Variants in TRAF3IP1 observed in about 807,000 individuals in gnomAD.
TRAF3IP1 encodes the protein TRAF3-interacting protein 1.
In TRAF3IP1, 53 loss-of-function variants were observed where a neutral mutation model predicts 89.9. That is an observed-to-expected ratio of 0.59 (90% CI 0.47 to 0.74). The LOEUF (loss-of-function observed/expected upper bound fraction) is 0.74. TRAF3IP1 is among the 30% of genes least tolerant of loss of function. The probability of loss-of-function intolerance (pLI) is 0.00; values close to 1 mark genes in which losing one functional copy is unlikely to be tolerated. For synonymous variants in TRAF3IP1, 311 were observed against 322.1 expected, an observed-to-expected ratio of 0.97 and a Z score of 0.37; for missense variants, 806 against 866.1, an observed-to-expected ratio of 0.93 and a Z score of 0.87.
chr2:238,336,052 A>C (rs1212037173), intron 7 of TRAF3IP1, among the ~76,000 whole-genome samples: 1 of 152,076 alleles, frequency 6.6e-6, no homozygotes, highest in Non-Finnish European at 1.5e-5. Flanking sequence ...TCAGCCTCCC[A>C]AAGTGCTGGG....
intron 15 of TRAF3IP1, among the ~76,000 whole-genome samples, chr2:238,390,736 T>G (rs766371685): frequency 2.6e-5 from 4 of 152,178 alleles, no homozygotes; most frequent in Non-Finnish European, 4.4e-5. Flanking sequence ...TAATGTTACC[T>G]GAAGGATAAA....
intron 15 of TRAF3IP1, among the ~76,000 whole-genome samples, chr2:238,375,511 C>A (rs929216201): frequency 6.6e-6 from 1 of 152,130 alleles, no homozygotes; most frequent in African/African-American, 2.4e-5. Context: ...GTCGTGATTT[C>A]TGTTCTTTTA....
rs1699008201 is a variant in TRAF3IP1, at chr2:238,348,649, A to G, written c.1283-115A>G. 8 of 878,930 alleles carry G rather than the reference A, an allele frequency of 9.1e-6. No homozygotes were observed. In the South Asian group the frequency reaches 1.3e-4, roughly 15 times the overall value. 54.4% of individuals were successfully genotyped at this position (878,930 alleles called of 1,614,324 possible). A position where few individuals can be genotyped will look rare whatever the true frequency, so the allele number is the denominator to read the frequency against. On this transcript the variant is annotated intron_variant, in intron 10 of 16. Coordinates refer to ENST00000373327, the MANE Select transcript of TRAF3IP1 (RefSeq NM_015650.4). ...GAAAAATTGCTCATTTGTATTTGCA[A>G]TTACAAATGTATTTGATTGCAAATA... is the stretch of plus-strand genomic sequence containing the variant.
intron 15 of TRAF3IP1, among the ~76,000 whole-genome samples, chr2:238,384,609 T>A (rs1167571708): frequency 6.7e-6 from 1 of 149,678 alleles, no homozygotes; most frequent in Non-Finnish European, 1.5e-5. Flanking sequence ...GGTCTTGAGC[T>A]CCTGACCTTG....
At chr2:238,368,666 T>C (rs1699983139) in intron 15 of TRAF3IP1, among the ~76,000 whole-genome samples, 1 of 152,112 alleles carries the variant, frequency 6.6e-6, no homozygotes. Context: ...ATTTTAGATA[T>C]TGTTATTAAT....
rs954665044 is a variant in TRAF3IP1, at chr2:238,400,154, G to A, written c.*1235G>A. On this transcript the variant is annotated 3_prime_UTR_variant, in exon 17 of 17. Transcript: ENST00000373327. ...TCTGTCGCCCAGGCTGGAGTGCAGT[G>A]GCGCAATCTCGGCTCACTGCAACCA... is the stretch of plus-strand genomic sequence containing the variant. 1 of 150,332 alleles carries A rather than the reference G, an allele frequency of 6.7e-6. No homozygotes were observed. Among genetic ancestry groups the A allele is most frequent in the African/African-American group, 2.5e-5 (1 of 40,770 alleles). The allele number at this position is 150,332 out of a possible 1,614,324, so 9.3% of individuals were successfully genotyped here. A position where few individuals can be genotyped will look rare whatever the true frequency, so the allele number is the denominator to read the frequency against.
chr2:238,394,790 C>T (rs1166124420), intron 15 of TRAF3IP1, among the ~76,000 whole-genome samples: 1 of 152,218 alleles, frequency 6.6e-6, no homozygotes, highest in Non-Finnish European at 1.5e-5. Flanking sequence ...GATCTTCATA[C>T]ATAAATCATT....
intron 15 of TRAF3IP1, among the ~76,000 whole-genome samples, chr2:238,383,073 T>C (rs772188675): frequency 6.6e-6 from 1 of 152,132 alleles, no homozygotes; most frequent in Non-Finnish European, 1.5e-5. Flanking sequence ...CAGCCTTCCC[T>C]TGGCTTCCGG....
chr2:238,354,193 G>C lies in TRAF3IP1; in HGVS notation c.1612+984G>C, dbSNP rs1410984247. The stretch of plus-strand genomic sequence containing the variant: ...AGCCTATTGGAGTTATTTTCTGGGG[G>C]CCTTTAGACACATCCCAGTACACTC... On this transcript the variant is annotated intron_variant, in intron 14 of 16. Transcript: ENST00000373327. Among the ~76,000 whole-genome samples the C allele has an allele frequency of 2.6e-5, 4 of 152,092 alleles. No homozygotes were observed. The East Asian group carries it at 7.7e-4, about 29-fold the overall frequency.
Position 238,320,600 on chromosome 2 carries a change from C to A in TRAF3IP1, c.-63C>A. The A allele has an allele frequency of 8.8e-7, 1 of 1,132,650 alleles. No homozygotes were observed. The highest frequency in any genetic ancestry group is 1.1e-6 in the Non-Finnish European group (1 of 921,298). 70.2% of individuals were successfully genotyped at this position (1,132,650 alleles called of 1,614,324 possible). A position where few individuals can be genotyped will look rare whatever the true frequency, so the allele number is the denominator to read the frequency against. On this transcript the variant is annotated 5_prime_UTR_variant, in exon 1 of 17. Transcript: ENST00000373327. ...GCGGGGCCGGCGGCGGCCAGGGACCCGGGCTTAGGCTCGGCCAGGCCGGCT... is the reference window on the plus strand; with the variant it reads ...GCGGGGCCGGCGGCGGCCAGGGACCAGGGCTTAGGCTCGGCCAGGCCGGCT...
intron 5 of TRAF3IP1, among the ~76,000 whole-genome samples, chr2:238,330,616 G>A (rs1048109193): frequency 2.6e-5 from 4 of 152,168 alleles, no homozygotes; most frequent in African/African-American, 4.8e-5. Context: ...GTGGCACTGC[G>A]TCTCAGGGTG....
chr2:238,347,627 T>C, intron 10 of TRAF3IP1, 152 bp downstream of exon 10: 1 of 688,298 alleles, frequency 1.5e-6, no homozygotes, highest in East Asian at 3.1e-5. Flanking sequence ...AATGTATTTA[T>C]TTATTTATTT....
intron 15 of TRAF3IP1, among the ~76,000 whole-genome samples, chr2:238,358,059 A>G (rs1235283407): frequency 6.6e-6 from 1 of 152,008 alleles, no homozygotes; most frequent in African/African-American, 2.4e-5. Context: ...TAGGATATTG[A>G]TAAACATCAG....
intron 15 of TRAF3IP1, among the ~76,000 whole-genome samples, chr2:238,366,930 G>A (rs973528158): frequency 2.2e-4 from 34 of 152,058 alleles, no homozygotes; most frequent in African/African-American, 8.2e-4. Flanking sequence ...TTGGGAGGCC[G>A]AGGCGGGCAG....
intron 12 of TRAF3IP1, among the ~76,000 whole-genome samples, 181 bp downstream of exon 12, chr2:238,349,589 G>A (rs532878295): frequency 1.3e-5 from 2 of 152,308 alleles, no homozygotes; most frequent in Non-Finnish European, 2.9e-5. Flanking sequence ...TCAGATGGAT[G>A]AAAGAGAAAA....
intron 15 of TRAF3IP1, among the ~76,000 whole-genome samples, chr2:238,371,241 A>G (rs1451801717): frequency 6.6e-6 from 1 of 152,214 alleles, no homozygotes; most frequent in Non-Finnish European, 1.5e-5. Context: ...GGAAACTCAC[A>G]ATATTGGCAG....
chr2:238,332,104 A>G (rs114550536), intron 5 of TRAF3IP1, among the ~76,000 whole-genome samples: 1 of 152,226 alleles, frequency 6.6e-6, no homozygotes, highest in African/African-American at 2.4e-5. Flanking sequence ...CCCAGCTTGC[A>G]GTCATGGGTA....
Position 238,323,348 on chromosome 2 carries a change from A to G in TRAF3IP1, c.124-1958A>G, listed in dbSNP as rs1324100962. ...CCTGCCTCGGCCTCCCAAAGTGCCG[A>G]GATTACAGGTGTGAGCTACTGTACC... On this transcript the variant is annotated intron_variant, in intron 1 of 16. Coordinates refer to ENST00000373327, the MANE Select transcript of TRAF3IP1 (RefSeq NM_015650.4). Among the ~76,000 whole-genome samples, 5 of 152,108 alleles carry G rather than the reference A, an allele frequency of 3.3e-5. No individual in the cohort carries two copies. In the South Asian group the frequency reaches 1.0e-3, roughly 32 times the overall value.
At chr2:238,333,929 A>G (rs1233004760) in intron 6 of TRAF3IP1, 31 bp from the exon 7 acceptor site, 1 of 1,557,748 alleles carries the variant, frequency 6.4e-7, no homozygotes. Context: ...TAATACATCA[A>G]TTAATTTCTT....
Sources: allele counts gnomAD v4.1 joint callset (sites outside exome capture counted in the v4.1 genomes callset), GRCh38; gene constraint gnomAD v4.1.1; transcripts MANE v1.5; gene names NCBI Gene and HGNC (gene_info 2026-07-23, HGNC 2026-07-21).